Variants in SOS1 observed in about 807,000 individuals in gnomAD.
SOS1 encodes the protein son of sevenless homolog 1.
A neutral mutation model predicts 157.6 loss-of-function variants in SOS1; 25 were observed. The observed-to-expected ratio is 0.16, with a 90% CI of 0.12 to 0.22. The LOEUF (loss-of-function observed/expected upper bound fraction) is 0.22, where lower values mean the gene tolerates loss of function less well. Ranked by LOEUF, SOS1 falls within the 10% of genes least tolerant of loss-of-function variation. SOS1 has a pLI of 1.00. For missense variants in SOS1, 1,237 were observed against 1,599.1 expected, an observed-to-expected ratio of 0.77 and a Z score of 3.86; for synonymous variants, 528 against 534.0, an observed-to-expected ratio of 0.99 and a Z score of 0.16.
rs188145588 is a variant in SOS1 at position 39,003,355 on chromosome 2, C to A, written c.2791+3057G>T. 1.1e-4 allele frequency among the ~76,000 whole-genome samples: 17 copies of A among 152,272 alleles called. No individual in the cohort carries two copies. The South Asian group carries it at 3.3e-3, about 30-fold the overall frequency. ...GCTTTCTTAAAAGGATAAAAACCAT[C>A]TAATCAAGCAAGTAGTAAAATTATA... On this transcript the variant is annotated intron_variant, in intron 17 of 22. Coordinates refer to ENST00000402219, the MANE Select transcript of SOS1 (RefSeq NM_005633.4).
chr2:39,048,317 A>C lies in SOS1; in HGVS notation c.864+2827T>G, dbSNP rs188091850. 1.7e-3 allele frequency among the ~76,000 whole-genome samples: 266 copies of C among 152,356 alleles called. 2 individuals are homozygous for C. The highest frequency in any genetic ancestry group is 5.9e-3 in the African/African-American group (245 of 41,594). On this transcript the variant is annotated intron_variant, in intron 6 of 22. Transcript: ENST00000402219. ...TAAATATATTACTCAACTGACTGTT[A>C]ACCTCTGTTGTTAAAGAGAAACGTG... is the stretch of plus-strand genomic sequence containing the variant.
chr2:39,119,101 C>G (rs1190003386), intron 1 of SOS1, among the ~76,000 whole-genome samples: 1 of 152,154 alleles, frequency 6.6e-6, no homozygotes, highest in Non-Finnish European at 1.5e-5. Flanking sequence ...CCATTACAAG[C>G]TAAGAAGTCA....
At chr2:39,078,505 T>C (rs1672091505) in intron 1 of SOS1, among the ~76,000 whole-genome samples, 2 of 18,486 alleles carry the variant, frequency 1.1e-4, no homozygotes, top group African/African-American at 4.1e-4. Context: ...TCAAACCCCA[T>C]TAGGAACCAG....
At chr2:39,008,041 A>T (rs897486566) in intron 15 of SOS1, among the ~76,000 whole-genome samples, 22 of 152,144 alleles carry the variant, frequency 1.4e-4, no homozygotes, top group Non-Finnish European at 3.2e-4. Context: ...GCAGTCAAGA[A>T]CACCTAGCTC....
intron 1 of SOS1, among the ~76,000 whole-genome samples, chr2:39,079,683 CAG>C (rs908725644): frequency 6.6e-6 from 1 of 151,866 alleles, no homozygotes; most frequent in African/African-American, 2.4e-5. Context: ...TTAGTAGAGA[CAG>C]AGTTTCACCA....
chr2:39,115,531 C>T (rs966840317), intron 1 of SOS1, among the ~76,000 whole-genome samples: 1 of 151,074 alleles, frequency 6.6e-6, no homozygotes, highest in Non-Finnish European at 1.5e-5. Context: ...GCTCCCACCT[C>T]AGCCTCCCAA....
chr2:38,997,523 G>C, intron 17 of SOS1, 98 bp from the exon 18 acceptor site: 1 of 748,314 alleles, frequency 1.3e-6, no homozygotes, highest in Non-Finnish European at 2.2e-6. Flanking sequence ...TACCATCTCA[G>C]TTGCCAAAAC....
Position 39,086,014 on chromosome 2 carries a change from A to G in SOS1, c.88-18261T>C, listed in dbSNP as rs560892405. On this transcript the variant is annotated intron_variant, in intron 1 of 22. Transcript: ENST00000402219. ...CATTAAAATCTTTGTTCTTTCAATT[A>G]CCAGAGTGTAACCCTGCACGAATTA... Among the ~76,000 whole-genome samples the G allele has an allele frequency of 2.6e-5, 4 of 152,328 alleles. No individual in the cohort carries two copies. The South Asian group carries it at 8.3e-4, about 32-fold the overall frequency.
upstream of SOS1, among the ~76,000 whole-genome samples, chr2:39,124,673 C>A (rs575563162): frequency 8.1e-4 from 124 of 152,384 alleles, no homozygotes; most frequent in African/African-American, 3.0e-3. Context: ...CTTTTCTGTT[C>A]AAGAACTCAC....
chr2:39,075,215 G>T (rs112957959), intron 1 of SOS1, among the ~76,000 whole-genome samples: 2,261 of 152,260 alleles, frequency 0.015, 73 homozygotes, highest in African/African-American at 0.051. Context: ...TGGGAGGTGG[G>T]AAAGAAGGGC....
chr2:39,050,555 A>G (rs745585612), intron 6 of SOS1, among the ~76,000 whole-genome samples: 5 of 152,166 alleles, frequency 3.3e-5, no homozygotes, highest in African/African-American at 4.8e-5. Context: ...GATTATTTGT[A>G]TTATACCTAC....
At position 39,082,203 on chromosome 2, in the gene SOS1, G is replaced by C. The variant is rs537485618; in HGVS notation, c.88-14450C>G. Among the ~76,000 whole-genome samples, 14 of 152,148 alleles carry C rather than the reference G, an allele frequency of 9.2e-5. No homozygotes were observed. The East Asian group carries it at 2.5e-3, about 27-fold the overall frequency. ...TCCCCACATCCCCGCTACAAAACTT[G>C]CCTGTTCAATCTTTAAGACTAATTG... is the stretch of plus-strand genomic sequence containing the variant. On this transcript the variant is annotated intron_variant, in intron 1 of 22. Transcript: ENST00000402219.
intron 6 of SOS1, among the ~76,000 whole-genome samples, chr2:39,046,493 GTCTTTTTTTTTTTT>G (rs1558487013): frequency 8.2e-6 from 1 of 121,604 alleles, no homozygotes; most frequent in South Asian, 2.6e-4. Flanking sequence ...TTGAGACAGT[GTCTTTTTTTTTTTT>G]TTTTTTTTTT....
intron 8 of SOS1, among the ~76,000 whole-genome samples, chr2:39,025,473 C>T (rs1363258483): frequency 2.0e-5 from 3 of 151,910 alleles, no homozygotes; most frequent in African/African-American, 7.3e-5. Flanking sequence ...CCTCAGCCTC[C>T]CGAGTAGCTG....
At chr2:39,015,672 T>A (rs971707429) in intron 10 of SOS1, among the ~76,000 whole-genome samples, 1 of 151,930 alleles carries the variant, frequency 6.6e-6, no homozygotes, top group Non-Finnish European at 1.5e-5. Flanking sequence ...AAGGCTGCTC[T>A]CACCAGCACA....
intron 19 of SOS1, 104 bp downstream of exon 19, chr2:38,996,818 C>T: frequency 2.7e-6 from 2 of 740,700 alleles, no homozygotes; most frequent in Non-Finnish European, 5.0e-6. Flanking sequence ...TTTTTCATTA[C>T]TTTTAACTAT....
At chr2:39,113,545 A>G (rs1282355804) in intron 1 of SOS1, among the ~76,000 whole-genome samples, 7 of 151,972 alleles carry the variant, frequency 4.6e-5, no homozygotes, top group Non-Finnish European at 8.8e-5. Context: ...AAAAATAAAT[A>G]AATAAAATAA....
intron 6 of SOS1, among the ~76,000 whole-genome samples, chr2:39,040,013 T>G (rs1670505987): frequency 6.6e-6 from 1 of 152,048 alleles, no homozygotes. Context: ...TTTTATTTTT[T>G]TATTTTTTAT....
At chr2:39,089,649 A>C (rs572505331) in intron 1 of SOS1, among the ~76,000 whole-genome samples, 3 of 152,270 alleles carry the variant, frequency 2.0e-5, no homozygotes, top group East Asian at 3.9e-4. Context: ...TATAACCCAA[A>C]AAGTAAAATA....
Sources: allele counts gnomAD v4.1 joint callset (sites outside exome capture counted in the v4.1 genomes callset), GRCh38; gene constraint gnomAD v4.1.1; transcripts MANE v1.5; gene names NCBI Gene and HGNC (gene_info 2026-07-23, HGNC 2026-07-21).